The following SNTG2 variants were observed in gnomAD, a reference collection of about 807,000 sequenced individuals.
SNTG2 encodes syntrophin gamma 2.
SNTG2 carries 74 observed loss-of-function variants against 70.9 expected under a neutral mutation model. The observed-to-expected ratio is 1.04, with a 90% CI of 0.86 to 1.27. SNTG2 has a LOEUF of 1.27. SNTG2 is among the 50% of genes most tolerant of loss of function. The pLI, the probability that SNTG2 is intolerant of heterozygous loss-of-function variation, is 0.00. For synonymous variants in SNTG2, 278 were observed against 273.8 expected, an observed-to-expected ratio of 1.02 and a Z score of -0.15; for missense variants, 717 against 690.7, an observed-to-expected ratio of 1.04 and a Z score of -0.43.
intron 14 of SNTG2, among the ~76,000 whole-genome samples, chr2:1,277,511 C>T (rs549368503): frequency 2.2e-4 from 34 of 152,330 alleles, no homozygotes; most frequent in African/African-American, 7.0e-4. Flanking sequence ...TTGCATACTT[C>T]ATAGATTACA....
At chr2:996,673 G>GTTTTTTTTT in intron 1 of SNTG2, among the ~76,000 whole-genome samples, 1,345 of 35,062 alleles carry the variant, frequency 0.038, 310 homozygotes, top group African/African-American at 0.069. Context: ...GAGTTACCCA[G>GTTTTTTTTT]TTTTTTTTTT....
chr2:1,254,743 A>G (rs532035652), intron 12 of SNTG2, among the ~76,000 whole-genome samples: 16 of 152,316 alleles, frequency 1.1e-4, no homozygotes, highest in Admixed American at 9.2e-4. Context: ...AAAATTGTCA[A>G]TTGCCATTAT....
intron 10 of SNTG2, among the ~76,000 whole-genome samples, chr2:1,238,501 C>A (rs977133329): frequency 6.6e-6 from 1 of 152,078 alleles, no homozygotes; most frequent in Non-Finnish European, 1.5e-5. Context: ...CCCCCAGAAA[C>A]GAAAAAGTAT....
chr2:1,143,332 C>T (rs1208919881), intron 6 of SNTG2, among the ~76,000 whole-genome samples: 1 of 152,146 alleles, frequency 6.6e-6, no homozygotes, highest in East Asian at 1.9e-4. Flanking sequence ...TAGCACTCCA[C>T]TCATGCCTTA....
chr2:1,205,369 C>T (rs1047457231), intron 8 of SNTG2, among the ~76,000 whole-genome samples: 3 of 152,168 alleles, frequency 2.0e-5, no homozygotes, highest in Non-Finnish European at 4.4e-5. Flanking sequence ...GGGCACAGTG[C>T]CCTCTAGAGA....
chr2:1,235,791 A>G (rs576655995), intron 9 of SNTG2, among the ~76,000 whole-genome samples: 6 of 152,230 alleles, frequency 3.9e-5, no homozygotes, highest in Admixed American at 2.0e-4. Context: ...CTTCTGAAAG[A>G]ATAAAAGCGT....
At chr2:1,067,196 G>A (rs944120868) in intron 1 of SNTG2, among the ~76,000 whole-genome samples, 3 of 150,522 alleles carry the variant, frequency 2.0e-5, no homozygotes, top group South Asian at 2.1e-4. Context: ...CACATTTACC[G>A]AAGAATGTAT....
At chr2:971,467 CT>C (rs1020366957) in intron 1 of SNTG2, among the ~76,000 whole-genome samples, 3 of 151,682 alleles carry the variant, frequency 2.0e-5, no homozygotes, top group Non-Finnish European at 2.9e-5. Flanking sequence ...ATAATAGTCT[CT>C]TTTTTTGTAT....
At chr2:1,031,124 C>T (rs1212523093) in intron 1 of SNTG2, among the ~76,000 whole-genome samples, 1 of 152,168 alleles carries the variant, frequency 6.6e-6, no homozygotes, top group Admixed American at 6.5e-5. Flanking sequence ...TTGCATGAAA[C>T]AGTGTGAAAT....
intron 9 of SNTG2, among the ~76,000 whole-genome samples, chr2:1,235,248 C>G (rs1161471558): frequency 6.2e-5 from 8 of 128,740 alleles, no homozygotes; most frequent in Non-Finnish European, 1.0e-4. Flanking sequence ...GCGCCCCTAC[C>G]CCATGCTGCC....
At chr2:1,204,784 A>G (rs1224632793) in intron 8 of SNTG2, among the ~76,000 whole-genome samples, 5 of 152,200 alleles carry the variant, frequency 3.3e-5, no homozygotes, top group African/African-American at 1.2e-4. Flanking sequence ...ATAGGAAAAA[A>G]GCATAGTATA....
At chr2:1,324,947 C>A (rs1193926075) in intron 16 of SNTG2, among the ~76,000 whole-genome samples, 1 of 152,136 alleles carries the variant, frequency 6.6e-6, no homozygotes, top group Non-Finnish European at 1.5e-5. Context: ...TTTTCAAGTT[C>A]CCAAAATATC....
intron 1 of SNTG2, among the ~76,000 whole-genome samples, chr2:1,031,528 A>ATATATATATATATATATATATATTTTT: frequency 3.4e-5 from 2 of 59,112 alleles, no homozygotes; most frequent in Non-Finnish European, 6.3e-5. Context: ...ATATATATAT[A>ATATATATATATATATATATATATTTTT]TTTTTTTTTT....
At chr2:1,277,348 A>C (rs1047136293) in intron 14 of SNTG2, among the ~76,000 whole-genome samples, 1 of 152,192 alleles carries the variant, frequency 6.6e-6, no homozygotes, top group Non-Finnish European at 1.5e-5. Context: ...AGCAGCCACC[A>C]TCCGCATCAG....
chr2:1,078,354 TC>T (rs1397826717), intron 1 of SNTG2, among the ~76,000 whole-genome samples: 1 of 152,058 alleles, frequency 6.6e-6, no homozygotes, highest in Non-Finnish European at 1.5e-5. Context: ...ATGGCGGAGT[TC>T]CGATTTTAAC....
At chr2:1,082,984 C>A (rs1664433678) in intron 1 of SNTG2, among the ~76,000 whole-genome samples, 1 of 152,178 alleles carries the variant, frequency 6.6e-6, no homozygotes, top group African/African-American at 2.4e-5. Context: ...TGTTCCCCAG[C>A]TCCCAAGACA....
At chr2:1,247,658 A>G (rs531159043) in intron 12 of SNTG2, among the ~76,000 whole-genome samples, 67 of 152,328 alleles carry the variant, frequency 4.4e-4, no homozygotes, top group Admixed American at 5.9e-4. Flanking sequence ...TAGTTCAAAT[A>G]GCCATTAAGA....
At chr2:1,153,382 A>G (rs1039184273) in intron 6 of SNTG2, among the ~76,000 whole-genome samples, 1 of 152,212 alleles carries the variant, frequency 6.6e-6, no homozygotes, top group Non-Finnish European at 1.5e-5. Context: ...CATGATGTTT[A>G]TTTTAAAATA....
chr2:1,314,932 A>G (rs1681202039), intron 15 of SNTG2, among the ~76,000 whole-genome samples: 1 of 152,178 alleles, frequency 6.6e-6, no homozygotes, highest in African/African-American at 2.4e-5. Flanking sequence ...ACCTGCCCTC[A>G]TGATTCAGTT....
Sources: gnomAD v4.1 joint callset for allele counts (sites outside exome capture counted in the v4.1 genomes callset) on GRCh38, gnomAD v4.1.1 for gene constraint, MANE v1.5 for transcripts, NCBI Gene and HGNC (gene_info 2026-07-23, HGNC 2026-07-21) for gene names.